The following PRKN variants were observed in gnomAD, a reference collection of about 807,000 sequenced individuals.
PRKN encodes parkin RBR E3 ubiquitin protein ligase.
A neutral mutation model predicts 59.5 loss-of-function variants in PRKN; 56 were observed. The ratio of observed to expected loss-of-function variants is 0.94; its 90% CI spans 0.76 to 1.18. The LOEUF is 1.18. Among genes scored for constraint, PRKN ranks in the 50% most tolerant of loss-of-function variants. The pLI, the probability that PRKN is intolerant of heterozygous loss-of-function variation, is 0.00. For synonymous variants in PRKN, 250 were observed against 222.1 expected (o/e 1.13, Z -1.12); for missense variants, 657 against 596.4 (o/e 1.10, Z -1.06).
intron 7 of PRKN, among the ~76,000 whole-genome samples, chr6:161,741,115 G>A (rs966945807): frequency 6.6e-6 from 1 of 152,172 alleles, no homozygotes; most frequent in Non-Finnish European, 1.5e-5. Flanking sequence ...ATTCTCCTGG[G>A]TTCACGCTGA....
intron 1 of PRKN, among the ~76,000 whole-genome samples, chr6:162,504,247 T>C (rs1793506945): frequency 1.3e-5 from 2 of 152,172 alleles, no homozygotes; most frequent in Non-Finnish European, 2.9e-5. Flanking sequence ...GAGCTGAGCA[T>C]ACTTGCTAAT....
At chr6:162,242,429 G>A (rs1246621188) in intron 3 of PRKN, among the ~76,000 whole-genome samples, 2 of 152,082 alleles carry the variant, frequency 1.3e-5, no homozygotes, top group East Asian at 1.9e-4. Flanking sequence ...TAGTCAGAGC[G>A]ACATATGCTA....
intron 3 of PRKN, among the ~76,000 whole-genome samples, chr6:162,231,648 G>A (rs947692977): frequency 1.3e-5 from 2 of 152,106 alleles, no homozygotes; most frequent in Non-Finnish European, 2.9e-5. Flanking sequence ...CACATAGCAC[G>A]GTCCTAGGAA....
chr6:161,781,449 AG>A (rs1247934235), intron 7 of PRKN, among the ~76,000 whole-genome samples: 1 of 152,192 alleles, frequency 6.6e-6, no homozygotes, highest in East Asian at 1.9e-4. Context: ...TAAGATTCTG[AG>A]GATGGCATTG....
intron 6 of PRKN, among the ~76,000 whole-genome samples, chr6:161,861,856 C>T (rs768674949): frequency 6.6e-6 from 1 of 152,192 alleles, no homozygotes; most frequent in Non-Finnish European, 1.5e-5. Context: ...TTTCCTGTCA[C>T]TTCCTCAACT....
intron 2 of PRKN, among the ~76,000 whole-genome samples, chr6:162,264,490 A>G (rs1780038411): frequency 6.6e-6 from 1 of 151,914 alleles, no homozygotes; most frequent in Admixed American, 6.6e-5. Flanking sequence ...AGCACTCACC[A>G]ACACCCCTGA....
chr6:162,673,298 C>G, intron 1 of PRKN, among the ~76,000 whole-genome samples: 1 of 151,950 alleles, frequency 6.6e-6, no homozygotes, highest in East Asian at 1.9e-4. Context: ...AGGACACGGT[C>G]AACAAGTACT....
intron 1 of PRKN, among the ~76,000 whole-genome samples, chr6:162,723,933 T>C (rs1779030464): frequency 6.6e-6 from 1 of 152,200 alleles, no homozygotes; most frequent in Non-Finnish European, 1.5e-5. Flanking sequence ...TAGAAGAGAC[T>C]ATGTTCCAAT....
chr6:161,613,008 G>A (rs1350364039), intron 7 of PRKN, among the ~76,000 whole-genome samples: 1 of 152,148 alleles, frequency 6.6e-6, no homozygotes, highest in East Asian at 1.9e-4. Flanking sequence ...CAACTTTTGA[G>A]TCTTATTAAG....
chr6:162,454,064 T>C (rs901562970), intron 1 of PRKN, among the ~76,000 whole-genome samples: 28 of 152,162 alleles, frequency 1.8e-4, no homozygotes, highest in African/African-American at 6.8e-4. Flanking sequence ...TCAAAAATAA[T>C]AATCATAGTA....
intron 2 of PRKN, among the ~76,000 whole-genome samples, chr6:162,297,463 T>C (rs977252428): frequency 2.0e-5 from 3 of 152,098 alleles, no homozygotes; most frequent in Non-Finnish European, 4.4e-5. Context: ...TTCTACAAGA[T>C]TGGATTTTGA....
At chr6:161,392,123 G>C (rs1786531834) in intron 9 of PRKN, among the ~76,000 whole-genome samples, 1 of 151,928 alleles carries the variant, frequency 6.6e-6, no homozygotes, top group African/African-American at 2.4e-5. Context: ...ATTTTTAATA[G>C]AGACGGGGTT....
At chr6:162,595,827 C>T (rs1199931306) in intron 1 of PRKN, among the ~76,000 whole-genome samples, 2 of 152,038 alleles carry the variant, frequency 1.3e-5, no homozygotes, top group Non-Finnish European at 2.9e-5. Flanking sequence ...ATTTGAGTTA[C>T]TAATGCTAAT....
At chr6:162,256,552 A>G (rs1779646203) in intron 3 of PRKN, among the ~76,000 whole-genome samples, 1 of 152,190 alleles carries the variant, frequency 6.6e-6, no homozygotes, top group Non-Finnish European at 1.5e-5. Context: ...GATGATTCCC[A>G]AGATGGACCT....
chr6:161,862,697 G>A (rs75394864), intron 6 of PRKN, among the ~76,000 whole-genome samples: 2,784 of 152,176 alleles, frequency 0.018, 77 homozygotes, highest in East Asian at 0.057. Flanking sequence ...ACAAATGGGA[G>A]GTTTGTCCCT....
chr6:162,090,638 C>T (rs1185164844), intron 4 of PRKN, among the ~76,000 whole-genome samples: 1 of 152,102 alleles, frequency 6.6e-6, no homozygotes, highest in Non-Finnish European at 1.5e-5. Context: ...ATCAAATATA[C>T]AAGTGTCTAA....
intron 2 of PRKN, among the ~76,000 whole-genome samples, chr6:162,314,412 T>C (rs1296069887): frequency 1.3e-5 from 2 of 152,172 alleles, no homozygotes; most frequent in African/African-American, 2.4e-5. Context: ...ACATTGTTTA[T>C]CCTTTTGATA....
intron 4 of PRKN, among the ~76,000 whole-genome samples, chr6:162,162,825 T>C (rs1454799822): frequency 6.7e-6 from 1 of 148,316 alleles, no homozygotes; most frequent in Non-Finnish European, 1.5e-5. Flanking sequence ...CTGGCCAATA[T>C]GGTGAAACCC....
At chr6:161,398,967 C>T (rs548112351) in intron 9 of PRKN, among the ~76,000 whole-genome samples, 76 of 152,196 alleles carry the variant, frequency 5.0e-4, no homozygotes, top group Non-Finnish European at 8.1e-4. Context: ...TGTTTTCACA[C>T]CCAAATGTTG....
Sources: gnomAD v4.1 joint callset for allele counts (sites outside exome capture counted in the v4.1 genomes callset) on GRCh38, gnomAD v4.1.1 for gene constraint, MANE v1.5 for transcripts, NCBI Gene and HGNC (gene_info 2026-07-23, HGNC 2026-07-21) for gene names.